The following KHDRBS2 variants were observed in gnomAD, a reference collection of about 807,000 sequenced individuals.
The protein encoded by KHDRBS2 is KH domain-containing, RNA-binding, signal transduction-associated protein 2.
KHDRBS2 carries 26 observed loss-of-function variants against 44.3 expected under a neutral mutation model. The ratio of observed to expected loss-of-function variants is 0.59; its 90% confidence interval spans 0.43 to 0.81. The LOEUF (loss-of-function observed/expected upper bound fraction) is 0.81. Ranked by LOEUF, KHDRBS2 falls within the 40% of genes least tolerant of loss-of-function variation. The pLI is 0.00. For missense variants in KHDRBS2, 476 were observed against 433.1 expected, an observed-to-expected ratio of 1.10 and a Z score of -0.88; for synonymous variants, 194 against 151.1, an observed-to-expected ratio of 1.28 and a Z score of -2.08.
chr6:61,847,896 G>T (rs1233205751), intron 6 of KHDRBS2, among the ~76,000 whole-genome samples: 1 of 137,982 alleles, frequency 7.2e-6, no homozygotes, highest in African/African-American at 2.9e-5. Flanking sequence ...ATTTAATAAA[G>T]ACTTTAAAAT....
chr6:61,686,885 A>G (rs1766873252), intron 8 of KHDRBS2, among the ~76,000 whole-genome samples: 2 of 151,512 alleles, frequency 1.3e-5, no homozygotes, highest in South Asian at 4.1e-4. Flanking sequence ...TGATTCCAAC[A>G]ACAATTAATT....
chr6:62,061,376 C>T (rs1007768820), intron 2 of KHDRBS2, among the ~76,000 whole-genome samples: 25 of 151,506 alleles, frequency 1.7e-4, no homozygotes, highest in African/African-American at 5.6e-4. Context: ...CTGGTGGTGA[C>T]AAAATCTCTC....
chr6:61,763,359 C>T (rs746509261), intron 6 of KHDRBS2, among the ~76,000 whole-genome samples: 2 of 152,180 alleles, frequency 1.3e-5, no homozygotes, highest in Non-Finnish European at 2.9e-5. Context: ...GTAACTCTAA[C>T]TTGTATACTG....
At chr6:61,900,426 T>A (rs1351707677) in intron 5 of KHDRBS2, among the ~76,000 whole-genome samples, 3 of 152,148 alleles carry the variant, frequency 2.0e-5, no homozygotes. Flanking sequence ...TATAACAAGA[T>A]GAAGAGAATG....
At chr6:61,545,680 G>T in the KHDRBS2 span, among the ~76,000 whole-genome samples, 1 of 152,142 alleles carries the variant, frequency 6.6e-6, no homozygotes, top group African/African-American at 2.4e-5. Context: ...CTGAATGTTT[G>T]CATCTGTGTC....
At chr6:61,615,232 C>CTAAAA in the KHDRBS2 span, among the ~76,000 whole-genome samples, 6 of 5,074 alleles carry the variant, frequency 1.2e-3, no homozygotes, top group Non-Finnish European at 3.6e-3. Flanking sequence ...GACTCCATCT[C>CTAAAA]CAAAAAAAAA....
At position 62,067,816 on chromosome 6, in the gene KHDRBS2, T is replaced by A. The variant is rs569017829; in HGVS notation, c.220-19822A>T. Among the ~76,000 whole-genome samples the A allele has an allele frequency of 6.6e-5, 10 of 151,744 alleles. No individual in the cohort carries two copies. The East Asian group carries it at 2.0e-3, about 30-fold the overall frequency. ...TTAGTTTTACCTAGACTGCACATTTTATTTAAATACGGTCGTACAACATGT... is the reference window on the plus strand; with the variant it reads ...TTAGTTTTACCTAGACTGCACATTTAATTTAAATACGGTCGTACAACATGT... On this transcript the variant is annotated intron_variant, in intron 2 of 8. Transcript: ENST00000281156.
chr6:61,589,932 C>A, the KHDRBS2 span, among the ~76,000 whole-genome samples: 1 of 152,056 alleles, frequency 6.6e-6, no homozygotes, highest in East Asian at 1.9e-4. Flanking sequence ...TTCAAATTCC[C>A]AAATGATCAA....
chr6:61,983,742 G>A (rs1283594223), intron 3 of KHDRBS2, among the ~76,000 whole-genome samples: 3 of 152,084 alleles, frequency 2.0e-5, no homozygotes, highest in African/African-American at 7.2e-5. Context: ...CAAATCAAAT[G>A]TAATCAGGAC....
intron 2 of KHDRBS2, among the ~76,000 whole-genome samples, chr6:62,175,694 T>C (rs1215933596): frequency 1.3e-5 from 2 of 151,622 alleles, no homozygotes; most frequent in African/African-American, 4.8e-5. Context: ...GCAGTTTTAT[T>C]GTTGGAGCAT....
At chr6:61,742,532 C>A (rs73474537) in intron 6 of KHDRBS2, among the ~76,000 whole-genome samples, 6,758 of 151,910 alleles carry the variant, frequency 0.044, 222 homozygotes, top group Middle Eastern at 0.088. Flanking sequence ...TTGTTACATT[C>A]TCTCTCTGAT....
chr6:62,191,204 G>T (rs1257481718), intron 1 of KHDRBS2, among the ~76,000 whole-genome samples: 4 of 152,008 alleles, frequency 2.6e-5, no homozygotes. Flanking sequence ...TTTTTATCTG[G>T]TCACTAAAAA....
chr6:62,236,766 A>G (rs1833775199), intron 1 of KHDRBS2, among the ~76,000 whole-genome samples: 1 of 152,182 alleles, frequency 6.6e-6, no homozygotes, highest in Non-Finnish European at 1.5e-5. Context: ...ATAAATTGTT[A>G]GGTATATTTC....
At chr6:61,660,723 C>G in the KHDRBS2 span, among the ~76,000 whole-genome samples, 1 of 151,762 alleles carries the variant, frequency 6.6e-6, no homozygotes, top group Non-Finnish European at 1.5e-5. Context: ...TTTCATTCTA[C>G]AAAGATTTAT....
chr6:62,080,884 A>G (rs1288204343), intron 2 of KHDRBS2, among the ~76,000 whole-genome samples: 76 of 152,086 alleles, frequency 5.0e-4, no homozygotes, highest in Admixed American at 5.0e-3. Context: ...TTCCTCTATT[A>G]TTAGAGTATA....
chr6:61,773,585 T>C (rs370434299), intron 6 of KHDRBS2, among the ~76,000 whole-genome samples: 1 of 148,640 alleles, frequency 6.7e-6, no homozygotes, highest in African/African-American at 2.5e-5. Context: ...TTCTCCCATT[T>C]TGTAGGTTGC....
intron 2 of KHDRBS2, among the ~76,000 whole-genome samples, chr6:62,055,966 T>G (rs1427422824): frequency 2.0e-5 from 3 of 151,992 alleles, no homozygotes; most frequent in African/African-American, 7.2e-5. Context: ...TTCCTCAAAC[T>G]TCCAGTCTGT....
At chr6:62,190,656 C>T (rs1425122229) in intron 1 of KHDRBS2, among the ~76,000 whole-genome samples, 3 of 152,038 alleles carry the variant, frequency 2.0e-5, no homozygotes, top group Admixed American at 1.3e-4. Flanking sequence ...TATTTACATT[C>T]TAAAATTTTT....
chr6:61,549,397 T>C, the KHDRBS2 span, among the ~76,000 whole-genome samples: 10 of 152,340 alleles, frequency 6.6e-5, no homozygotes, highest in East Asian at 9.6e-4. Context: ...TTGTTTATCA[T>C]ATTCAAAATG....
Sources: gnomAD v4.1 joint callset for allele counts (sites outside exome capture counted in the v4.1 genomes callset) on GRCh38, gnomAD v4.1.1 for gene constraint, MANE v1.5 for transcripts, NCBI Gene and HGNC (gene_info 2026-07-23, HGNC 2026-07-21) for gene names.